The following CNOT6L variants were observed in gnomAD, a reference collection of about 807,000 sequenced individuals.
CNOT6L encodes the protein CCR4-NOT transcription complex subunit 6-like.
Under a neutral mutation model 64.0 loss-of-function variants are expected in CNOT6L, and 7 were observed. That is an observed-to-expected ratio of 0.11 (90% CI 0.06 to 0.21). The LOEUF is 0.21. CNOT6L is among the 10% of genes least tolerant of loss of function. The pLI is 1.00. For missense variants in CNOT6L, 245 were observed against 669.0 expected, an observed-to-expected ratio of 0.37 and a Z score of 6.99; for synonymous variants, 193 against 243.4, an observed-to-expected ratio of 0.79 and a Z score of 1.93.
At chr4:77,793,225 AGAT>A (rs1370433520) in intron 1 of CNOT6L, among the ~76,000 whole-genome samples, 2 of 152,282 alleles carry the variant, frequency 1.3e-5, no homozygotes, top group Admixed American at 6.5e-5. Flanking sequence ...TCTTCGTAAG[AGAT>A]GATGATATTC....
chr4:77,742,477 G>T, intron 7 of CNOT6L, 182 bp from the exon 8 acceptor site: 1 of 668,670 alleles, frequency 1.5e-6, no homozygotes, highest in South Asian at 1.6e-5. Flanking sequence ...TTTTAAACAT[G>T]AAAGAACCAG....
rs193287697 is a variant in CNOT6L, at chr4:77,816,271, T to A, written c.5+3033A>T. Among the ~76,000 whole-genome samples, 74 of 151,564 alleles carry A rather than the reference T, an allele frequency of 4.9e-4. 2 individuals carry two copies. The South Asian group carries it at 6.2e-3, about 13-fold the overall frequency. On this transcript the variant is annotated intron_variant, in intron 1 of 11. Coordinates refer to ENST00000504123, the MANE Select transcript of CNOT6L (RefSeq NM_144571.3). ...TTCCCAATTCTCCCAAATTAAAAAA[T>A]ATATATATAAAGTCTTTTAAAATAA... is the stretch of plus-strand genomic sequence containing the variant.
chr4:77,811,110 C>G (rs951486912), intron 1 of CNOT6L, among the ~76,000 whole-genome samples: 2 of 152,102 alleles, frequency 1.3e-5, no homozygotes, highest in Non-Finnish European at 2.9e-5. Context: ...AGCTATCAAG[C>G]TATTCAGTAA....
chr4:77,801,690 TG>T lies in CNOT6L; in HGVS notation c.5+17613del, dbSNP rs67321338. Among the ~76,000 whole-genome samples the T allele has an allele frequency of 6.3e-4, 33 of 52,070 alleles. 2 individuals are homozygous for T. Among genetic ancestry groups the T allele is most frequent in the East Asian group, 1.9e-3 (4 of 2,064 alleles). 34.2% of individuals were successfully genotyped at this position (52,070 alleles called of 152,430 possible). On this transcript the variant is annotated intron_variant, in intron 1 of 11. Transcript: ENST00000504123. The stretch of plus-strand genomic sequence containing the variant: ...AGTTATTTTACCAGAAGATAAAAAT[TG>T]GGGGGGGGGGAGAATGAAACATTTT...
At chr4:77,739,469 A>T (rs1723340828) in intron 8 of CNOT6L, among the ~76,000 whole-genome samples, 1 of 152,252 alleles carries the variant, frequency 6.6e-6, no homozygotes, top group Non-Finnish European at 1.5e-5. Context: ...ACCTGGCTTC[A>T]AAACTCACAG....
intron 4 of CNOT6L, among the ~76,000 whole-genome samples, chr4:77,762,059 AT>A (rs1726302482): frequency 1.3e-5 from 2 of 152,182 alleles, no homozygotes; most frequent in Non-Finnish European, 2.9e-5. Context: ...ACAAAACTTT[AT>A]TTGAAAATAA....
At chr4:77,757,810 G>A (rs141559634) in intron 4 of CNOT6L, among the ~76,000 whole-genome samples, 40 of 152,060 alleles carry the variant, frequency 2.6e-4, no homozygotes, top group East Asian at 7.8e-4. Flanking sequence ...AGTGATTCTC[G>A]TGCCTCAGCC....
At chr4:77,764,681 G>T (rs76320365) in intron 4 of CNOT6L, among the ~76,000 whole-genome samples, 1 of 152,032 alleles carries the variant, frequency 6.6e-6, no homozygotes, top group Admixed American at 6.6e-5. Flanking sequence ...AACAGCAATC[G>T]GCCAACTTTA....
chr4:77,754,879 C>T (rs1377892219), intron 5 of CNOT6L, among the ~76,000 whole-genome samples: 2 of 10,540 alleles, frequency 1.9e-4, no homozygotes, highest in Non-Finnish European at 4.3e-4. Flanking sequence ...TAATTCTAAA[C>T]ATTAGAAGTA....
intron 1 of CNOT6L, among the ~76,000 whole-genome samples, chr4:77,795,056 G>C (rs944836100): frequency 9.3e-6 from 1 of 107,958 alleles, no homozygotes; most frequent in Non-Finnish European, 1.9e-5. Flanking sequence ...TTTCCCTCTT[G>C]TTGCCTAGGC....
chr4:77,795,089 G>A (rs1446700573), intron 1 of CNOT6L, among the ~76,000 whole-genome samples: 4 of 144,642 alleles, frequency 2.8e-5, no homozygotes, highest in East Asian at 4.0e-4. Context: ...GCACCATCTC[G>A]GCTCACTGCA....
Position 77,731,368 on chromosome 4 carries a change from T to G in CNOT6L, c.1024+19A>C. Reference sequence around the variant, plus strand: ...GGATGGTGTTTATTTTTAGTAAGAATATTTTACATTGCACTCACCTGCTCC... The same window carrying G: ...GGATGGTGTTTATTTTTAGTAAGAAGATTTTACATTGCACTCACCTGCTCC... On this transcript the variant is annotated intron_variant, in intron 9 of 11. Transcript: ENST00000504123. The G allele has an allele frequency of 6.2e-7, 1 of 1,603,262 alleles. No individual in the cohort carries two copies. Among genetic ancestry groups the G allele is most frequent in the Non-Finnish European group, 8.5e-7 (1 of 1,176,198 alleles).
At chr4:77,807,845 T>C (rs1290985037) in intron 1 of CNOT6L, among the ~76,000 whole-genome samples, 1 of 152,202 alleles carries the variant, frequency 6.6e-6, no homozygotes, top group African/African-American at 2.4e-5. Flanking sequence ...GTCACTTACT[T>C]GACCTTCATC....
chr4:77,733,742 A>G (rs2109904069), intron 8 of CNOT6L, among the ~76,000 whole-genome samples: 1 of 152,130 alleles, frequency 6.6e-6, no homozygotes, highest in East Asian at 1.9e-4. Flanking sequence ...TTCTTCTCCC[A>G]TTTTTTCCAT....
At chr4:77,741,906 T>TA (rs1723641614) in intron 8 of CNOT6L, among the ~76,000 whole-genome samples, 2 of 152,318 alleles carry the variant, frequency 1.3e-5, no homozygotes, top group Admixed American at 1.3e-4. Flanking sequence ...TTCAAGTCTG[T>TA]ATCTCTTAAA....
chr4:77,730,755 G>C (rs1722358572), intron 9 of CNOT6L, among the ~76,000 whole-genome samples: 1 of 151,858 alleles, frequency 6.6e-6, no homozygotes, highest in South Asian at 2.1e-4. Flanking sequence ...AAAAGTACAG[G>C]GGAAAAAAAG....
chr4:77,768,414 G>A (rs964358757), intron 4 of CNOT6L, among the ~76,000 whole-genome samples: 25 of 149,910 alleles, frequency 1.7e-4, no homozygotes, highest in African/African-American at 6.1e-4. Context: ...TGCAGTGGCC[G>A]AGATCGCGCC....
intron 1 of CNOT6L, among the ~76,000 whole-genome samples, chr4:77,777,682 A>G (rs369525760): frequency 2.6e-5 from 4 of 152,304 alleles, no homozygotes; most frequent in South Asian, 2.1e-4. Flanking sequence ...ATTAACATAT[A>G]TACACACACC....
intron 1 of CNOT6L, among the ~76,000 whole-genome samples, chr4:77,781,830 G>A (rs1278459453): frequency 3.3e-5 from 5 of 152,058 alleles, no homozygotes; most frequent in African/African-American, 1.2e-4. Context: ...CTGTAGTTTG[G>A]CACAATTAAT....
Sources: gnomAD v4.1 joint callset for allele counts (sites outside exome capture counted in the v4.1 genomes callset) on GRCh38, gnomAD v4.1.1 for gene constraint, MANE v1.5 for transcripts, NCBI Gene and HGNC (gene_info 2026-07-23, HGNC 2026-07-21) for gene names.